ROBO2: variants seen among roughly 807,000 people sequenced by gnomAD.
ROBO2 encodes the protein roundabout homolog 2.
In ROBO2, 53 loss-of-function variants were observed where a neutral mutation model predicts 160.8. That is an observed-to-expected ratio of 0.33 (90% CI 0.26 to 0.41). The LOEUF (loss-of-function observed/expected upper bound fraction) is 0.41. ROBO2 is among the 10% of genes least tolerant of loss of function. ROBO2 has a pLI of 1.00. For missense variants in ROBO2, 1,577 were observed against 1,722.4 expected (o/e 0.92, Z 1.49); for synonymous variants, 664 against 611.7 (o/e 1.09, Z -1.26).
chr3:77,447,967 C>A (rs182487567), intron 2 of ROBO2, among the ~76,000 whole-genome samples: 1 of 152,026 alleles, frequency 6.6e-6, no homozygotes, highest in African/African-American at 2.4e-5. Context: ...TATAAAGTGT[C>A]GCAGTAAATT....
chr3:77,424,238 A>T (rs1160783313), intron 2 of ROBO2, among the ~76,000 whole-genome samples: 1 of 152,198 alleles, frequency 6.6e-6, no homozygotes, highest in African/African-American at 2.4e-5. Flanking sequence ...ATTTAAAATG[A>T]ATTTTAAAGG....
intron 8 of ROBO2, among the ~76,000 whole-genome samples, chr3:77,555,730 T>C (rs1178977258): frequency 6.6e-6 from 1 of 151,936 alleles, no homozygotes; most frequent in African/African-American, 2.4e-5. Context: ...ATATGAATGG[T>C]TTATTGAGTA....
chr3:75,996,113 T>C (rs2065719428), intron 2 of ROBO2, among the ~76,000 whole-genome samples: 1 of 150,232 alleles, frequency 6.7e-6, no homozygotes, highest in Non-Finnish European at 1.5e-5. Context: ...CAGGGGACTG[T>C]TGAGAAGGCA....
intron 2 of ROBO2, among the ~76,000 whole-genome samples, chr3:76,976,054 A>G (rs1234956116): frequency 6.6e-6 from 1 of 152,190 alleles, no homozygotes; most frequent in African/African-American, 2.4e-5. Context: ...ATGTTATCCA[A>G]TGTCCCATGT....
At chr3:77,003,781 G>C (rs9832093) in intron 2 of ROBO2, among the ~76,000 whole-genome samples, 51,041 of 151,854 alleles carry the variant, frequency 0.34, 9,181 homozygotes, top group East Asian at 0.65. Flanking sequence ...AACTCCTGAC[G>C]TCAGGTGATC....
chr3:77,487,202 C>T (rs1033168725), intron 4 of ROBO2, among the ~76,000 whole-genome samples: 1 of 152,070 alleles, frequency 6.6e-6, no homozygotes, highest in African/African-American at 2.4e-5. Context: ...GGTATAAGAA[C>T]ATGAGGTGTT....
chr3:76,316,138 G>A (rs1232621385), intron 2 of ROBO2, among the ~76,000 whole-genome samples: 1 of 152,138 alleles, frequency 6.6e-6, no homozygotes, highest in Non-Finnish European at 1.5e-5. Context: ...TGCACGTATT[G>A]TCTTGATAAA....
intron 2 of ROBO2, among the ~76,000 whole-genome samples, chr3:77,360,601 ATT>A (rs149519705): frequency 2.7e-5 from 4 of 150,798 alleles, no homozygotes; most frequent in Admixed American, 2.0e-4. Flanking sequence ...GCTAGGAGTA[ATT>A]TTTTTTCTTT....
At chr3:76,410,129 T>G (rs185617912) in intron 2 of ROBO2, among the ~76,000 whole-genome samples, 2 of 152,096 alleles carry the variant, frequency 1.3e-5, no homozygotes, top group Non-Finnish European at 2.9e-5. Flanking sequence ...TACTAGAAAT[T>G]TGTAGGCAAA....
At chr3:76,737,667 A>G in intron 2 of ROBO2, among the ~76,000 whole-genome samples, 1 of 152,206 alleles carries the variant, frequency 6.6e-6, no homozygotes, top group Non-Finnish European at 1.5e-5. Context: ...CTCATCTTTC[A>G]GCATGTAGAT....
At chr3:76,249,483 G>A (rs920686401) in intron 2 of ROBO2, among the ~76,000 whole-genome samples, 9 of 152,054 alleles carry the variant, frequency 5.9e-5, no homozygotes, top group African/African-American at 2.2e-4. Context: ...TTAATAAATG[G>A]ATCTGCAGGA....
intron 2 of ROBO2, among the ~76,000 whole-genome samples, chr3:77,167,319 A>G (rs1391092305): frequency 6.6e-6 from 1 of 152,214 alleles, no homozygotes; most frequent in Non-Finnish European, 1.5e-5. Flanking sequence ...AATCTTATGA[A>G]TGGTTACCAA....
At chr3:76,489,824 A>G (rs2079716112) in intron 2 of ROBO2, among the ~76,000 whole-genome samples, 2 of 152,180 alleles carry the variant, frequency 1.3e-5, no homozygotes, top group East Asian at 3.9e-4. Flanking sequence ...AAACATTTTA[A>G]TATTTTAATG....
chr3:76,539,129 G>A (rs1254860346), intron 2 of ROBO2, among the ~76,000 whole-genome samples: 1 of 152,146 alleles, frequency 6.6e-6, no homozygotes, highest in African/African-American at 2.4e-5. Context: ...TCACTCATAA[G>A]TGGGAGCTGA....
chr3:77,250,582 A>G (rs910340695), intron 2 of ROBO2, among the ~76,000 whole-genome samples: 3 of 152,202 alleles, frequency 2.0e-5, no homozygotes, highest in Non-Finnish European at 4.4e-5. Flanking sequence ...TCACACATCC[A>G]TGTGTTAACT....
intron 2 of ROBO2, among the ~76,000 whole-genome samples, chr3:76,410,801 C>A (rs146799892): frequency 2.0e-5 from 3 of 152,118 alleles, no homozygotes; most frequent in Admixed American, 1.3e-4. Context: ...CTATAGCAAT[C>A]TTCACTCTGT....
intron 2 of ROBO2, among the ~76,000 whole-genome samples, chr3:76,714,486 A>G (rs921966266): frequency 6.6e-6 from 1 of 152,194 alleles, no homozygotes; most frequent in East Asian, 1.9e-4. Context: ...GACAAAGGAA[A>G]TTGTGAGATT....
At position 77,102,286 on chromosome 3, in the gene ROBO2, A is replaced by AGTGT. The variant is rs147086668; in HGVS notation, c.388+3957_388+3960dup. On this transcript the variant is annotated intron_variant, in intron 2 of 25. Coordinates refer to ENST00000461745, the Ensembl canonical transcript of ROBO2. ...GACATTTGGGATCAGAAAATTATTT[A>AGTGT]GTGTGTGTGTGTGTTGCGTGGGTGG... 5.3e-5 allele frequency among the ~76,000 whole-genome samples: 8 copies of AGTGT among 151,530 alleles called. No individual in the cohort carries two copies. In the East Asian group the frequency reaches 5.9e-4, roughly 11 times the overall value.
chr3:77,379,203 C>A (rs1480497790), intron 2 of ROBO2, among the ~76,000 whole-genome samples: 1 of 152,198 alleles, frequency 6.6e-6, no homozygotes, highest in Non-Finnish European at 1.5e-5. Context: ...GCCTCGGCCT[C>A]CCCAAGTGCT....
Sources: allele counts gnomAD v4.1 joint callset (sites outside exome capture counted in the v4.1 genomes callset), GRCh38; gene constraint gnomAD v4.1.1; transcripts MANE v1.5; gene names NCBI Gene and HGNC (gene_info 2026-07-23, HGNC 2026-07-21).